The following SEMA6D variants were observed in gnomAD, a reference collection of about 807,000 sequenced individuals.
SEMA6D encodes semaphorin 6D, also known as semaphorin-6D.
A neutral mutation model predicts 106.6 loss-of-function variants in SEMA6D; 35 were observed. The observed-to-expected ratio is 0.33, with a 90% CI of 0.25 to 0.44. The LOEUF (loss-of-function observed/expected upper bound fraction) is 0.44, where lower values mean the gene tolerates loss of function less well. Ranked by LOEUF, SEMA6D falls within the 20% of genes least tolerant of loss-of-function variation. SEMA6D has a pLI of 1.00. For synonymous variants in SEMA6D, 499 were observed against 487.7 expected (o/e 1.02, Z -0.31); for missense variants, 1,185 against 1,345.9 (o/e 0.88, Z 1.87).
At chr15:47,564,230 C>T (rs926562804) in intron 3 of SEMA6D, among the ~76,000 whole-genome samples, 5 of 152,162 alleles carry the variant, frequency 3.3e-5, no homozygotes, top group African/African-American at 7.2e-5. Context: ...TACAAGCTTA[C>T]CCGCCATCTT....
At chr15:47,382,480 C>T (rs2039676115) in intron 1 of SEMA6D, among the ~76,000 whole-genome samples, 1 of 151,994 alleles carries the variant, frequency 6.6e-6, no homozygotes, top group Non-Finnish European at 1.5e-5. Context: ...GCACTCCAGC[C>T]TGGGTGACAG....
intron 4 of SEMA6D, among the ~76,000 whole-genome samples, chr15:47,685,778 A>T (rs1337688054): frequency 6.6e-6 from 1 of 152,210 alleles, no homozygotes; most frequent in Non-Finnish European, 1.5e-5. Context: ...AGCTAACCAT[A>T]TGAGGAATCT....
intron 1 of SEMA6D, among the ~76,000 whole-genome samples, chr15:47,242,011 G>A (rs1160386964): frequency 1.3e-5 from 2 of 152,090 alleles, no homozygotes; most frequent in African/African-American, 2.4e-5. Flanking sequence ...TCACGGGTAT[G>A]AATTCCAGTT....
intron 4 of SEMA6D, among the ~76,000 whole-genome samples, chr15:47,617,137 T>TTAG (rs1317176951): frequency 3.3e-5 from 5 of 152,162 alleles, no homozygotes; most frequent in African/African-American, 1.2e-4. Flanking sequence ...TTAGTCAAGT[T>TTAG]CAGTCAAGAT....
intron 1 of SEMA6D, among the ~76,000 whole-genome samples, chr15:47,201,700 C>T (rs1894736477): frequency 6.6e-6 from 1 of 152,124 alleles, no homozygotes; most frequent in Non-Finnish European, 1.5e-5. Context: ...TTACTTAATT[C>T]CAGAAACTGG....
At chr15:47,466,682 A>C (rs1018857958) in intron 2 of SEMA6D, among the ~76,000 whole-genome samples, 2 of 150,874 alleles carry the variant, frequency 1.3e-5, no homozygotes, top group South Asian at 4.2e-4. Context: ...TATACCGAGA[A>C]GTGGAATTGC....
intron 4 of SEMA6D, among the ~76,000 whole-genome samples, chr15:47,640,943 C>T (rs571274445): frequency 6.6e-6 from 1 of 152,056 alleles, no homozygotes; most frequent in East Asian, 1.9e-4. Flanking sequence ...TTCAAGAAAC[C>T]TCAAAGTCCT....
intron 1 of SEMA6D, among the ~76,000 whole-genome samples, chr15:47,749,731 G>A (rs915532448): frequency 2.6e-5 from 4 of 152,208 alleles, no homozygotes; most frequent in Non-Finnish European, 4.4e-5. Flanking sequence ...ATTGGAACTG[G>A]TGTGTGGTGG....
At chr15:47,318,981 C>T (rs556029452) in intron 1 of SEMA6D, among the ~76,000 whole-genome samples, 72 of 152,176 alleles carry the variant, frequency 4.7e-4, no homozygotes, top group Non-Finnish European at 8.2e-4. Context: ...GAGATGGTAT[C>T]TCATTGTGTC....
chr15:47,765,027 G>A lies in SEMA6D; in HGVS notation c.1398G>A (p.Leu466=). Residue 466 remains leucine, a synonymous_variant, in exon 13 of 19, where the codon CTG becomes CTA. Coordinates refer to ENST00000536845, the MANE Select transcript of SEMA6D (RefSeq NM_001358351.3). The part of the protein sequence containing the change: ...SPFSLNDSVL[L]EEIEAYNHAK... ...TCTCTTTGAACGACAGCGTATTACT[G>A]GAAGAGATTGAAGCCTACAACCATG... The A allele has an allele frequency of 6.2e-7, 1 of 1,613,838 alleles. No individual in the cohort carries two copies. Among genetic ancestry groups the A allele is most frequent in the Non-Finnish European group, 8.5e-7 (1 of 1,179,814 alleles).
At chr15:47,234,897 A>G (rs1362691494) in intron 1 of SEMA6D, among the ~76,000 whole-genome samples, 2 of 152,066 alleles carry the variant, frequency 1.3e-5, no homozygotes, top group Admixed American at 6.6e-5. Flanking sequence ...TGACAGATCT[A>G]CTTTTAGTTC....
chr15:47,652,117 G>A (rs1430158150), intron 4 of SEMA6D, among the ~76,000 whole-genome samples: 2 of 152,088 alleles, frequency 1.3e-5, no homozygotes, highest in Non-Finnish European at 2.9e-5. Flanking sequence ...TATAACTCCT[G>A]GTGGTCAGGA....
intron 3 of SEMA6D, among the ~76,000 whole-genome samples, chr15:47,560,223 C>G (rs1203709880): frequency 6.6e-6 from 1 of 151,610 alleles, no homozygotes; most frequent in East Asian, 1.9e-4. Flanking sequence ...AAAAAAAATG[C>G]AGTAAATAAA....
intron 3 of SEMA6D, among the ~76,000 whole-genome samples, chr15:47,556,179 C>T (rs1032597066): frequency 6.6e-6 from 1 of 152,088 alleles, no homozygotes; most frequent in Non-Finnish European, 1.5e-5. Flanking sequence ...TTATTTATCG[C>T]ACAAACAACA....
rs541554930 is a variant in SEMA6D at position 47,184,522 on chromosome 15, G to A, written c.-239+104G>A. ...GGTTCTGCGCGAAAAGCGCACCGGG[G>A]AGCTCTGGCGGCGTCCAGGATGCTC... On this transcript the variant is annotated intron_variant, in intron 1 of 19. Coordinates refer to the SEMA6D transcript ENST00000558014. The A allele has an allele frequency of 2.0e-4, 31 of 152,336 alleles. No individual in the cohort carries two copies. The East Asian group carries it at 6.0e-3, about 30-fold the overall frequency. 9.4% of individuals were successfully genotyped at this position (152,336 alleles called of 1,614,324 possible). A position where few individuals can be genotyped will look rare whatever the true frequency, so the allele number is the denominator to read the frequency against.
chr15:47,285,991 G>A (rs2035344016), intron 1 of SEMA6D, among the ~76,000 whole-genome samples: 1 of 152,220 alleles, frequency 6.6e-6, no homozygotes, highest in South Asian at 2.1e-4. Flanking sequence ...AATTAACTAA[G>A]AACAACCAAG....
rs529322838 is a variant in SEMA6D at position 47,463,278 on chromosome 15, G to A, written c.-158-7196G>A. Among the ~76,000 whole-genome samples, 105 of 152,196 alleles carry A rather than the reference G, an allele frequency of 6.9e-4. 1 individual carries two copies. The highest frequency in any genetic ancestry group is 2.4e-3 in the African/African-American group (100 of 41,542). ...CCTTCAGCGGCCCTAGAATGTTCAA[G>A]CTGGTCCTTCACAGTTATCCACATA... On this transcript the variant is annotated intron_variant, in intron 2 of 19. Transcript: ENST00000558014.
chr15:47,656,259 T>A (rs951793426), intron 4 of SEMA6D, among the ~76,000 whole-genome samples: 1 of 152,194 alleles, frequency 6.6e-6, no homozygotes, highest in South Asian at 2.1e-4. Flanking sequence ...TATGTATTGA[T>A]CTGTTGACAA....
intron 3 of SEMA6D, among the ~76,000 whole-genome samples, chr15:47,581,574 G>A (rs2076255019): frequency 6.6e-6 from 1 of 151,842 alleles, no homozygotes; most frequent in South Asian, 2.1e-4. Context: ...GAGCATTCTA[G>A]GAGGAGTAGT....
Sources: allele counts gnomAD v4.1 joint callset (sites outside exome capture counted in the v4.1 genomes callset), GRCh38; gene constraint gnomAD v4.1.1; transcripts MANE v1.5; gene names NCBI Gene and HGNC (gene_info 2026-07-23, HGNC 2026-07-21).